Variants in HGF observed in about 807,000 individuals in gnomAD.
HGF encodes hepatocyte growth factor.
HGF carries 39 observed loss-of-function variants against 111.6 expected under a neutral mutation model. The observed-to-expected ratio is 0.35, with a 90% CI of 0.27 to 0.46. The LOEUF is 0.46. Among genes scored for constraint, HGF ranks in the 20% least tolerant of loss-of-function variants. The probability of loss-of-function intolerance (pLI) is 1.00; values close to 1 mark genes in which losing one functional copy is unlikely to be tolerated. For missense variants in HGF, 735 were observed against 910.5 expected, an observed-to-expected ratio of 0.81 and a Z score of 2.48; for synonymous variants, 285 against 294.8, an observed-to-expected ratio of 0.97 and a Z score of 0.34.
intron 11 of HGF, 48 bp from the exon 12 acceptor site, chr7:81,711,567 A>C (rs1789571235): frequency 1.3e-6 from 1 of 795,772 alleles, no homozygotes; most frequent in Admixed American, 2.4e-5. Context: ...ATATGCATAT[A>C]TCTGTTATAT....
intron 7 of HGF, among the ~76,000 whole-genome samples, chr7:81,738,789 A>G (rs1787916072): frequency 6.6e-6 from 1 of 152,156 alleles, no homozygotes; most frequent in African/African-American, 2.4e-5. Context: ...ATCTTGTTAT[A>G]GGCCTTGGTC....
rs2286194 is a variant in HGF, at chr7:81,726,133, T to A, written c.1041-116A>T. 203,663 of 1,035,140 alleles carry A rather than the reference T, an allele frequency of 0.2. 20,588 individuals are homozygous for A. Among genetic ancestry groups the A allele is most frequent in the Middle Eastern group, 0.28 (1,242 of 4,430 alleles). The allele number at this position is 1,035,140 out of a possible 1,614,324, so 64.1% of individuals were successfully genotyped here. On this transcript the variant is annotated intron_variant, in intron 8 of 17. Transcript: ENST00000222390. Reference sequence around the variant, plus strand: ...GCATGTTTATAAATAGAGTTCTAACTTTTTGGACTCAGAATAGCTATAACA... The same window carrying A: ...GCATGTTTATAAATAGAGTTCTAACATTTTGGACTCAGAATAGCTATAACA...
chr7:81,733,842 A>C (rs758505244), intron 7 of HGF, among the ~76,000 whole-genome samples: 1 of 152,146 alleles, frequency 6.6e-6, no homozygotes, highest in Non-Finnish European at 1.5e-5. Context: ...TCACATACTT[A>C]CTATTCAAAC....
At chr7:81,745,992 T>C (rs1023921447) in intron 5 of HGF, among the ~76,000 whole-genome samples, 7 of 152,220 alleles carry the variant, frequency 4.6e-5, no homozygotes, top group African/African-American at 1.4e-4. Flanking sequence ...GGCTTTCCTA[T>C]GAATCAGGCA....
At chr7:81,727,931 A>G (rs1222679236) in intron 8 of HGF, among the ~76,000 whole-genome samples, 2 of 152,226 alleles carry the variant, frequency 1.3e-5, no homozygotes, top group Non-Finnish European at 2.9e-5. Context: ...ACTTGAAGAA[A>G]GGATGGTTTA....
intron 7 of HGF, chr7:81,743,003 T>A (rs1306016028): frequency 2.0e-6 from 3 of 1,509,904 alleles, no homozygotes; most frequent in Non-Finnish European, 2.8e-6. Context: ...GGAACTAAGG[T>A]CCTAGCTTTT....
At chr7:81,752,346 T>G (rs1418818285) in intron 4 of HGF, 84 bp from the exon 5 acceptor site, 5 of 1,128,824 alleles carry the variant, frequency 4.4e-6, no homozygotes, top group African/African-American at 1.5e-5. Context: ...TGGGTATGTT[T>G]TTGCTGAAGG....
At chr7:81,709,142 G>A (rs1789506276) in intron 13 of HGF, among the ~76,000 whole-genome samples, 1 of 152,046 alleles carries the variant, frequency 6.6e-6, no homozygotes, top group Non-Finnish European at 1.5e-5. Context: ...TACTCTAGGA[G>A]GCTAGCGGTA....
At chr7:81,744,316 T>C (rs1236273977) in intron 6 of HGF, among the ~76,000 whole-genome samples, 2 of 151,902 alleles carry the variant, frequency 1.3e-5, no homozygotes, top group East Asian at 3.9e-4. Context: ...TTTTTTTTTT[T>C]TTTGGCGGAG....
intron 9 of HGF, among the ~76,000 whole-genome samples, chr7:81,724,922 T>C (rs1206357325): frequency 6.6e-6 from 1 of 152,210 alleles, no homozygotes; most frequent in Non-Finnish European, 1.5e-5. Flanking sequence ...CCTGAGGCAG[T>C]TATCTTCAAT....
chr7:81,752,114 A>G lies in HGF; in HGVS notation c.625+6T>C, dbSNP rs750500895. The G allele has an allele frequency of 1.2e-6, 2 of 1,613,404 alleles. No individual in the cohort carries two copies. Among genetic ancestry groups the G allele is most frequent in the Non-Finnish European group, 1.7e-6 (2 of 1,179,470 alleles). On this transcript the variant is annotated splice_donor_region_variant and intron_variant, in intron 5 of 17. Coordinates refer to ENST00000222390, the MANE Select transcript of HGF (RefSeq NM_000601.6). Reference sequence around the variant, plus strand: ...AATGGCCCACATGGCATTCAGGTTTATTTACCTTCTGAACACTGAGGAATG... The same window carrying G: ...AATGGCCCACATGGCATTCAGGTTTGTTTACCTTCTGAACACTGAGGAATG...
chr7:81,704,028 C>T (rs536111765), intron 17 of HGF, among the ~76,000 whole-genome samples: 1 of 151,824 alleles, frequency 6.6e-6, no homozygotes, highest in South Asian at 2.1e-4. Flanking sequence ...ATTATACAAA[C>T]ATTTGGGAGA....
At chr7:81,759,891 G>T (rs529769739) in intron 2 of HGF, among the ~76,000 whole-genome samples, 2 of 152,070 alleles carry the variant, frequency 1.3e-5, no homozygotes, top group East Asian at 1.9e-4. Context: ...TATTATATTG[G>T]TTTTTTGTTA....
chr7:81,743,436 C>A lies in HGF; in HGVS notation c.782G>T (p.Arg261Leu). The A allele has an allele frequency of 6.2e-7, 1 of 1,613,010 alleles. No homozygotes were observed. The highest frequency in any genetic ancestry group is 8.5e-7 in the Non-Finnish European group (1 of 1,179,082). Residue 261 changes from arginine (R) to leucine (L), a missense_variant, in exon 7 of 18, where the codon CGC becomes CTC. Physicochemically the swap from Arg to Leu is moderately radical, Grantham distance 102. Transcript: ENST00000222390. ...PDKGFDDNYC[R>L]NPDGQPRPWC... Reference sequence around the variant, plus strand: ...TGGCCTCGGCTGGCCATCGGGATTGCGGCAATAATTATCATCAAAGCCCTT... The same window carrying A: ...TGGCCTCGGCTGGCCATCGGGATTGAGGCAATAATTATCATCAAAGCCCTT...
intron 7 of HGF, chr7:81,736,713 G>T (rs1404430194): frequency 2.1e-6 from 1 of 476,864 alleles, no homozygotes; most frequent in East Asian, 6.1e-5. Flanking sequence ...AAAATATGAG[G>T]CAAAGGAAGA....
intron 4 of HGF, chr7:81,756,925 A>C (rs1788800576): frequency 1.9e-6 from 1 of 532,424 alleles, no homozygotes; most frequent in Non-Finnish European, 3.4e-6. Flanking sequence ...CTTTTAAACG[A>C]AGTTTACGTT....
In HGF at chr7:81,706,403, C is replaced by A; in HGVS notation, c.1641G>T (p.Trp547Cys). ...TTCCGTGGACATCATGAATTCCAAGCCAAGCTTCATAATCTTTCAAGTCTC... is the reference window on the plus strand; with the variant it reads ...TTCCGTGGACATCATGAATTCCAAGACAAGCTTCATAATCTTTCAAGTCTC... The part of the protein sequence containing the change: ...PSRDLKDYEA[W>C]LGIHDVHGRG... The change falls in exon 15 of 18, where the codon TGG becomes TGT. Residue 547 changes from tryptophan to cysteine, a missense_variant. Physicochemically the swap from Trp to Cys is radical, Grantham distance 215 (BLOSUM62 -2). This residue lies in a region of HGF where 130 missense variants were observed against 129.9 expected (regional missense o/e 1.00). Transcript: ENST00000222390. 1 of 1,612,232 alleles carries A rather than the reference C, an allele frequency of 6.2e-7. No individual in the cohort carries two copies. Among genetic ancestry groups the A allele is most frequent in the Non-Finnish European group, 8.5e-7 (1 of 1,178,674 alleles).
chr7:81,711,463 T>C lies in HGF; in HGVS notation c.1444+18A>G. ...AGAGAGACTCAGAATATACTTTATATTGTGAAATATTACTTACGGTCTAAA... is the reference window on the plus strand; with the variant it reads ...AGAGAGACTCAGAATATACTTTATACTGTGAAATATTACTTACGGTCTAAA... On this transcript the variant is annotated intron_variant, in intron 12 of 17. Coordinates refer to ENST00000222390, the MANE Select transcript of HGF (RefSeq NM_000601.6). The C allele has an allele frequency of 7.1e-7, 1 of 1,413,116 alleles. No homozygotes were observed. Among genetic ancestry groups the C allele is most frequent in the Non-Finnish European group, 9.9e-7 (1 of 1,011,796 alleles). 87.5% of individuals were successfully genotyped at this position (1,413,116 alleles called of 1,614,324 possible).
At chr7:81,704,576 C>G (rs1789372224) in intron 17 of HGF, among the ~76,000 whole-genome samples, 2 of 151,700 alleles carry the variant, frequency 1.3e-5, no homozygotes. Context: ...CTCTTCTTTT[C>G]AGAAATAAAA....
Sources: allele counts gnomAD v4.1 joint callset (sites outside exome capture counted in the v4.1 genomes callset), GRCh38; gene constraint gnomAD v4.1.1; regional missense constraint gnomAD v4.1.1; transcripts MANE v1.5; gene names NCBI Gene and HGNC (gene_info 2026-07-23, HGNC 2026-07-21).